The following RBFOX1 variants were observed in gnomAD, a reference collection of about 807,000 sequenced individuals.
RBFOX1 encodes RNA binding fox-1 homolog 1.
A neutral mutation model predicts 57.7 loss-of-function variants in RBFOX1; 8 were observed. That is an observed-to-expected ratio of 0.14 (90% CI 0.08 to 0.25). RBFOX1 has a LOEUF of 0.25. Ranked by LOEUF, RBFOX1 falls within the 10% of genes least tolerant of loss-of-function variation. The pLI is 1.00. For missense variants in RBFOX1, 611 were observed against 548.5 expected (o/e 1.11, Z -1.14); for synonymous variants, 326 against 222.4 (o/e 1.47, Z -4.15).
At chr16:6,953,541 A>G (rs551387672) in intron 3 of RBFOX1, among the ~76,000 whole-genome samples, 3 of 151,982 alleles carry the variant, frequency 2.0e-5, no homozygotes, top group Non-Finnish European at 2.9e-5. Context: ...GTGTGTCACC[A>G]CACCTGGCTA....
At chr16:6,053,493 A>G (rs2095578237) in intron 1 of RBFOX1, among the ~76,000 whole-genome samples, 1 of 152,198 alleles carries the variant, frequency 6.6e-6, no homozygotes, top group African/African-American at 2.4e-5. Context: ...AACAAAGAAA[A>G]TCATTTAGTT....
At chr16:7,609,274 G>T (rs995456092) in intron 10 of RBFOX1, among the ~76,000 whole-genome samples, 1 of 152,090 alleles carries the variant, frequency 6.6e-6, no homozygotes, top group African/African-American at 2.4e-5. Context: ...GTGGTGGAGA[G>T]GGCAAAATGC....
At chr16:6,149,644 T>G (rs1381648947) in intron 1 of RBFOX1, among the ~76,000 whole-genome samples, 1 of 152,188 alleles carries the variant, frequency 6.6e-6, no homozygotes, top group African/African-American at 2.4e-5. Flanking sequence ...TGAATAGCTG[T>G]GTCTTGCTGC....
At chr16:6,936,208 C>G (rs1246300883) in intron 3 of RBFOX1, among the ~76,000 whole-genome samples, 1 of 152,108 alleles carries the variant, frequency 6.6e-6, no homozygotes, top group Non-Finnish European at 1.5e-5. Flanking sequence ...TAAGGATATT[C>G]TTTTGAATAT....
chr16:6,280,995 G>A (rs2076321109), intron 1 of RBFOX1, among the ~76,000 whole-genome samples: 2 of 150,550 alleles, frequency 1.3e-5, no homozygotes, highest in South Asian at 2.2e-4. Context: ...ATGTGTGTGT[G>A]TATATATGTA....
intron 1 of RBFOX1, among the ~76,000 whole-genome samples, chr16:6,166,973 C>T (rs184582291): frequency 2.0e-5 from 3 of 152,168 alleles, no homozygotes; most frequent in East Asian, 3.9e-4. Flanking sequence ...CGGGGTTTCA[C>T]TATATTGGCT....
intron 10 of RBFOX1, among the ~76,000 whole-genome samples, chr16:7,617,219 C>T (rs1284194515): frequency 6.6e-6 from 1 of 152,144 alleles, no homozygotes; most frequent in African/African-American, 2.4e-5. Context: ...ACTTTGTAAT[C>T]CCTATGATCC....
intron 4 of RBFOX1, among the ~76,000 whole-genome samples, chr16:7,116,242 C>G (rs1452389757): frequency 6.6e-6 from 1 of 152,110 alleles, no homozygotes; most frequent in East Asian, 1.9e-4. Flanking sequence ...AGAGAGAAAG[C>G]CCATGCAGTA....
intron 3 of RBFOX1, among the ~76,000 whole-genome samples, chr16:7,036,137 G>C (rs903584994): frequency 6.6e-6 from 1 of 151,978 alleles, no homozygotes; most frequent in Admixed American, 6.6e-5. Flanking sequence ...TGTCCACCTT[G>C]GGTGCCTTCT....
intron 2 of RBFOX1, among the ~76,000 whole-genome samples, chr16:6,453,920 A>G (rs2094697403): frequency 1.3e-5 from 2 of 152,368 alleles, no homozygotes; most frequent in East Asian, 1.9e-4. Context: ...GGCTTAAGCA[A>G]TAGAAACTTA....
At chr16:6,482,143 A>C (rs180960779) in intron 2 of RBFOX1, among the ~76,000 whole-genome samples, 1 of 152,364 alleles carries the variant, frequency 6.6e-6, no homozygotes, top group Admixed American at 6.5e-5. Context: ...TTTAACTCAA[A>C]TAAAGTATCC....
chr16:6,270,095 C>G (rs1054124805), intron 1 of RBFOX1, among the ~76,000 whole-genome samples: 6 of 151,776 alleles, frequency 4.0e-5, no homozygotes, highest in Non-Finnish European at 8.8e-5. Context: ...TTCACTCAAA[C>G]AGACTATAGG....
chr16:6,710,486 C>G (rs1027989141), intron 3 of RBFOX1, among the ~76,000 whole-genome samples: 1 of 152,290 alleles, frequency 6.6e-6, no homozygotes, highest in Non-Finnish European at 1.5e-5. Context: ...GACAGTGCAC[C>G]TCCATTTAAA....
chr16:6,992,801 T>C (rs949280653), intron 3 of RBFOX1, among the ~76,000 whole-genome samples: 8 of 133,518 alleles, frequency 6.0e-5, no homozygotes, highest in Non-Finnish European at 9.2e-5. Context: ...ACATGACCAA[T>C]GGCCATGGCC....
chr16:6,539,532 T>C (rs2096782379), intron 2 of RBFOX1, among the ~76,000 whole-genome samples: 1 of 152,070 alleles, frequency 6.6e-6, no homozygotes, highest in Admixed American at 6.6e-5. Flanking sequence ...GTGCAGTGGC[T>C]CACACCTATA....
chr16:6,986,350 C>T (rs1044032857), intron 3 of RBFOX1, among the ~76,000 whole-genome samples: 1 of 152,138 alleles, frequency 6.6e-6, no homozygotes, highest in African/African-American at 2.4e-5. Flanking sequence ...AGGCGTCTGC[C>T]ACCATGTCTG....
intron 4 of RBFOX1, among the ~76,000 whole-genome samples, chr16:7,243,980 A>ATTTCT (rs3081710): frequency 0.66 from 99,326 of 151,390 alleles, 34,769 homozygotes; most frequent in African/African-American, 0.91. Flanking sequence ...ACTAACATAC[A>ATTTCT]TTTCTTTTTT....
intron 3 of RBFOX1, among the ~76,000 whole-genome samples, chr16:6,900,493 T>C (rs1213918118): frequency 6.6e-6 from 1 of 152,218 alleles, no homozygotes; most frequent in African/African-American, 2.4e-5. Flanking sequence ...GCAAACACGA[T>C]TGCATGGCCT....
chr16:5,512,170 A>G (rs567383050), intron 2 of RBFOX1, among the ~76,000 whole-genome samples: 2 of 152,260 alleles, frequency 1.3e-5, no homozygotes, highest in Admixed American at 1.3e-4. Context: ...TGGGCTATTG[A>G]TTGCATGGGA....
Sources: allele counts gnomAD v4.1 joint callset (sites outside exome capture counted in the v4.1 genomes callset), GRCh38; gene constraint gnomAD v4.1.1; transcripts MANE v1.5; gene names NCBI Gene and HGNC (gene_info 2026-07-23, HGNC 2026-07-21).